Variants in MKKS observed in about 807,000 individuals in gnomAD.
The protein encoded by MKKS is molecular chaperone MKKS.
Under a neutral mutation model 33.2 loss-of-function variants are expected in MKKS, and 29 were observed. The observed-to-expected ratio is 0.87, with a 90% confidence interval of 0.65 to 1.19. The LOEUF is 1.19. Ranked by LOEUF, MKKS falls within the 50% of genes most tolerant of loss-of-function variation. The probability of loss-of-function intolerance (pLI) is 0.00; values close to 1 mark genes in which losing one functional copy is unlikely to be tolerated. For missense variants in MKKS, 661 were observed against 662.3 expected (o/e 1.00, Z 0.02); for synonymous variants, 260 against 244.0 (o/e 1.07, Z -0.61).
chr20:10,413,235 A>G lies in MKKS; in HGVS notation c.280T>C (p.Phe94Leu), dbSNP rs2064908504. 1 of 1,614,250 alleles carries G rather than the reference A, an allele frequency of 6.2e-7. No homozygotes were observed. Among genetic ancestry groups the G allele is most frequent in the Non-Finnish European group, 8.5e-7 (1 of 1,180,046 alleles). ...AGGTTGCAGCAAAGAATAGCTGTGA[A>G]TAAGCCACAATCACTGAAGCTTGAC... ...HVSSFSDCGL[F>L]TAILCCNLIE... The change falls in exon 3 of 6, where the codon TTC becomes CTC. Residue 94 changes from phenylalanine (F) to leucine (L), a missense_variant. Phe to Leu is a conservative substitution (Grantham distance 22). Transcript: ENST00000347364.
chr20:10,429,351 T>C (rs575668351), intron 1 of MKKS, among the ~76,000 whole-genome samples: 1 of 152,302 alleles, frequency 6.6e-6, no homozygotes, highest in African/African-American at 2.4e-5. Flanking sequence ...TATTCATCCT[T>C]ATCAAAGATC....
At position 10,404,239 on chromosome 20, in the gene MKKS, TAGAG is replaced by T. The variant is rs2064826031; in HGVS notation, c.*1004_*1007del. On this transcript the variant is annotated 3_prime_UTR_variant, in exon 6 of 6. Coordinates refer to ENST00000347364, the MANE Select transcript of MKKS (RefSeq NM_170784.3). ...CTACTTTCTTTTTCATACTATTGAC[TAGAG>T]AAATAACTTCCCCTTCCCTTTATGC... is the stretch of plus-strand genomic sequence containing the variant. 6.7e-6 allele frequency: 1 copy of T among 149,710 alleles called. No individual in the cohort carries two copies. Among genetic ancestry groups the T allele is most frequent in the Admixed American group, 6.7e-5 (1 of 14,890 alleles). 9.3% of individuals were successfully genotyped at this position (149,710 alleles called of 1,614,324 possible). A position where few individuals can be genotyped will look rare whatever the true frequency, so the allele number is the denominator to read the frequency against.
At chr20:10,410,354 G>A (rs2064874086) in intron 3 of MKKS, among the ~76,000 whole-genome samples, 1 of 152,142 alleles carries the variant, frequency 6.6e-6, no homozygotes, top group Non-Finnish European at 1.5e-5. Context: ...CTCCAGGCCG[G>A]GCGTGGTGGC....
chr20:10,408,489 C>G (rs1661290043), intron 4 of MKKS, 139 bp downstream of exon 4: 5 of 822,688 alleles, frequency 6.1e-6, no homozygotes. Context: ...AATTAGCTTA[C>G]TTGTGACTTT....
intron 1 of MKKS, among the ~76,000 whole-genome samples, chr20:10,432,535 G>A (rs907098358): frequency 6.6e-6 from 1 of 152,162 alleles, no homozygotes; most frequent in Non-Finnish European, 1.5e-5. Flanking sequence ...GGTCATGCCT[G>A]TAATCCCAGC....
intron 1 of MKKS, among the ~76,000 whole-genome samples, chr20:10,422,585 T>C (rs1398669873): frequency 1.3e-5 from 2 of 152,192 alleles, no homozygotes; most frequent in African/African-American, 4.8e-5. Flanking sequence ...GATTGACATA[T>C]GGCATTCTTG....
chr20:10,407,563 A>T, intron 5 of MKKS, 53 bp downstream of exon 5: 1 of 1,515,354 alleles, frequency 6.6e-7, no homozygotes, highest in Non-Finnish European at 9.1e-7. Flanking sequence ...ATTATCTCAG[A>T]AAACAAAAGT....
At chr20:10,405,734 T>C in intron 5 of MKKS, 47 bp from the exon 6 acceptor site, 2 of 1,466,068 alleles carry the variant, frequency 1.4e-6, no homozygotes, top group Admixed American at 3.4e-5. Context: ...GCAATTAATA[T>C]AAAATGTTTC....
chr20:10,433,211 G>A lies in MKKS; in HGVS notation c.-649+897C>T, dbSNP rs549160940. The stretch of plus-strand genomic sequence containing the variant: ...AGCAGAGACCGGGTTTCGCCACGTT[G>A]GCCTGGCTGGCCCCAAACTCCTGAC... On this transcript the variant is annotated intron_variant, in intron 1 of 5. Coordinates refer to ENST00000347364, the MANE Select transcript of MKKS (RefSeq NM_170784.3). Among the ~76,000 whole-genome samples the A allele has an allele frequency of 1.6e-4, 24 of 152,312 alleles. No individual in the cohort carries two copies. In the South Asian group the frequency reaches 3.7e-3, roughly 24 times the overall value.
rs551220022 is a variant in MKKS at position 10,405,135 on chromosome 20, G to T, written c.*112C>A. ...GTATCTATAATTTTATGAGTCATTT[G>T]TCCAAATATGTAGAACAGGGCTTTG... is the stretch of plus-strand genomic sequence containing the variant. On this transcript the variant is annotated 3_prime_UTR_variant, in exon 6 of 6. Transcript: ENST00000347364. 4.9e-6 allele frequency: 4 copies of T among 820,836 alleles called. No individual in the cohort carries two copies. Among genetic ancestry groups the T allele is most frequent in the South Asian group, 2.0e-5 (1 of 50,214 alleles). The allele number at this position is 820,836 out of a possible 1,614,324, so 50.8% of individuals were successfully genotyped here. A position where few individuals can be genotyped will look rare whatever the true frequency, so the allele number is the denominator to read the frequency against.
chr20:10,407,429 T>C (rs1276031596), intron 5 of MKKS, among the ~76,000 whole-genome samples, 187 bp downstream of exon 5: 2 of 152,238 alleles, frequency 1.3e-5, no homozygotes, highest in African/African-American at 4.8e-5. Flanking sequence ...CTACTTTATT[T>C]AGACTACTGA....
chr20:10,412,546 G>T lies in MKKS; in HGVS notation c.969C>A (p.Pro323=). 6.2e-7 allele frequency: 1 copy of T among 1,613,844 alleles called. No homozygotes were observed. The highest frequency in any genetic ancestry group is 8.5e-7 in the Non-Finnish European group (1 of 1,179,986). ...IDRIGVTLME[P]LTKMTGTQPI... Reference sequence around the variant, plus strand: ...GATTTTTACCTGTCATTTTAGTCAGGGGTTCCATCAGAGTCACTCCAATTC... The same window carrying T: ...GATTTTTACCTGTCATTTTAGTCAGTGGTTCCATCAGAGTCACTCCAATTC... The change falls in exon 3 of 6, where the codon CCC becomes CCA. Residue 323 remains proline, a synonymous_variant. Transcript: ENST00000347364.
Position 10,412,717 on chromosome 20 carries a change from AACCCC to A in MKKS, c.793_797del (p.Gly265PhefsTer3). 1 of 1,614,126 alleles carries A rather than the reference AACCCC, an allele frequency of 6.2e-7. No homozygotes were observed. The highest frequency in any genetic ancestry group is 8.5e-7 in the Non-Finnish European group (1 of 1,180,022). On this transcript the variant is annotated frameshift_variant, in exon 3 of 6. Transcript: ENST00000347364. LOFTEE classifies it high-confidence loss of function. ...GGTCCAAGACTGCATTTTCAAGAGA[AACCCC>A]ATAACTGACCACCACAGTTCCTTCT...
At chr20:10,417,245 T>TA (rs60367709) in intron 2 of MKKS, among the ~76,000 whole-genome samples, 25 of 132,416 alleles carry the variant, frequency 1.9e-4, no homozygotes, top group African/African-American at 4.2e-4. Flanking sequence ...GACTCCATCT[T>TA]AAAAAAAAAA....
At chr20:10,427,581 T>C (rs924092587) in intron 1 of MKKS, among the ~76,000 whole-genome samples, 13 of 152,266 alleles carry the variant, frequency 8.5e-5, no homozygotes, top group Non-Finnish European at 1.9e-4. Flanking sequence ...AAAGTTATTT[T>C]TTATCCTCAA....
rs1204036901 is a variant in MKKS, at chr20:10,413,257, T to C, written c.258A>G (p.Ser86=). ...TGAATAAGCCACAATCACTGAAGCT[T>C]GACACATGATTCTGTATGGAGGCTG... ...ILTASIQNHV[S]SFSDCGLFTA... Residue 86 remains serine (S), a synonymous_variant, in exon 3 of 6, where the codon TCA becomes TCG. Coordinates refer to ENST00000347364, the MANE Select transcript of MKKS (RefSeq NM_170784.3). The C allele has an allele frequency of 6.2e-7, 1 of 1,614,228 alleles. No homozygotes were observed. Among genetic ancestry groups the C allele is most frequent in the Non-Finnish European group, 8.5e-7 (1 of 1,180,048 alleles).
In MKKS at chr20:10,405,343, C is replaced by G. The variant is rs2122219342; in HGVS notation, c.1617G>C (p.Leu539Phe). Reference protein sequence around the residue: ...EAVGSASNLTLDCLTAKLSGL... With the variant: ...EAVGSASNLTFDCLTAKLSGL... ...CACTAAGCTTTGCAGTCAAACAGTC[C>G]AAGGTCAGGTTGCTGGCTGAGCCCA... Residue 539 changes from leucine (L) to phenylalanine (F), a missense_variant, in exon 6 of 6, where the codon TTG becomes TTC. Leu to Phe is a conservative substitution (Grantham distance 22). Transcript: ENST00000347364. 1.9e-6 allele frequency: 3 copies of G among 1,614,154 alleles called. No homozygotes were observed. In the East Asian group the frequency reaches 6.7e-5, roughly 36 times the overall value.
chr20:10,410,567 G>A (rs2064876515), intron 3 of MKKS, among the ~76,000 whole-genome samples: 1 of 152,142 alleles, frequency 6.6e-6, no homozygotes, highest in South Asian at 2.1e-4. Context: ...GGCAGAGGTT[G>A]CAGTGAGCCG....
At chr20:10,433,135 C>T (rs900363806) in intron 1 of MKKS, among the ~76,000 whole-genome samples, 7 of 152,260 alleles carry the variant, frequency 4.6e-5, no homozygotes, top group Admixed American at 4.6e-4. Flanking sequence ...TCCCAAGTAG[C>T]TGGGATTACA....
Sources: gnomAD v4.1 joint callset for allele counts (sites outside exome capture counted in the v4.1 genomes callset) on GRCh38, gnomAD v4.1.1 for gene constraint, MANE v1.5 for transcripts, NCBI Gene and HGNC (gene_info 2026-07-23, HGNC 2026-07-21) for gene names.